Variants in RSKR observed in about 807,000 individuals in gnomAD.
RSKR encodes the protein ribosomal protein S6 kinase related, also known as ribosomal protein S6 kinase-related protein.
A neutral mutation model predicts 56.8 loss-of-function variants in RSKR; 44 were observed. The ratio of observed to expected loss-of-function variants is 0.77; its 90% CI spans 0.61 to 1.00. The LOEUF (loss-of-function observed/expected upper bound fraction) is 1.00, where lower values mean the gene tolerates loss of function less well. RSKR is among the 50% of genes least tolerant of loss of function. The probability of loss-of-function intolerance (pLI) is 0.00; values close to 1 mark genes in which losing one functional copy is unlikely to be tolerated. For missense variants in RSKR, 510 were observed against 506.9 expected (o/e 1.01, Z -0.06); for synonymous variants, 181 against 188.0 (o/e 0.96, Z 0.30).
intron 3 of RSKR, 33 bp downstream of exon 3, chr17:28,613,228 GA>G (rs2070848461): frequency 6.2e-7 from 1 of 1,613,360 alleles, no homozygotes; most frequent in African/African-American, 1.3e-5. Context: ...ATCAAGATTG[GA>G]AACAGAGACT....
In RSKR at chr17:28,611,127, C is replaced by G; in HGVS notation, c.1011+16G>C. The G allele has an allele frequency of 6.6e-7, 1 of 1,516,322 alleles. No homozygotes were observed. Among genetic ancestry groups the G allele is most frequent in the African/African-American group, 1.4e-5 (1 of 72,802 alleles). The allele number at this position is 1,516,322 out of a possible 1,614,324, so 93.9% of individuals were successfully genotyped here. A position where few individuals can be genotyped will look rare whatever the true frequency, so the allele number is the denominator to read the frequency against. On this transcript the variant is annotated intron_variant, in intron 11 of 11. Coordinates refer to ENST00000301037, the MANE Select transcript of RSKR (RefSeq NM_001174103.2). ...ATGGTTTCGTAGCCAAGAAGGAAAG[C>G]AGTGCTCATCCTTACCTCATGGAGC...
rs1387892582 is a variant in RSKR at position 28,610,257 on chromosome 17, T to G, written c.*221A>C. ...AAGGTCACCACCCTGATCTGACATG[T>G]TGAATTGAGAGGTAGGTTGTATGAT... On this transcript the variant is annotated 3_prime_UTR_variant, in exon 12 of 12. Coordinates refer to ENST00000301037, the MANE Select transcript of RSKR (RefSeq NM_001174103.2). 4 of 546,796 alleles carry G rather than the reference T, an allele frequency of 7.3e-6. No individual in the cohort carries two copies. The highest frequency in any genetic ancestry group is 1.3e-5 in the Non-Finnish European group (4 of 305,304). The allele number at this position is 546,796 out of a possible 1,614,324, so 33.9% of individuals were successfully genotyped here.
rs1434700097 is a variant in RSKR, at chr17:28,610,489, T to C, written c.1222A>G (p.Ile408Val). ...CDLESFLLYP[I>V]PA ...TACAGTAGAGAGGCTCAAGCAGGGA[T>C]AGGGTAGAGCAAGAAGGACTCCAGA... Residue 408 changes from isoleucine to valine, a missense_variant, in exon 12 of 12, where the codon ATC (isoleucine) becomes GTC (valine). Ile to Val is a conservative substitution (Grantham distance 29, BLOSUM62 3). Transcript: ENST00000301037. 2 of 1,535,670 alleles carry C rather than the reference T, an allele frequency of 1.3e-6. No individual in the cohort carries two copies. The highest frequency in any genetic ancestry group is 2.7e-5 in the African/African-American group (2 of 73,012).
chr17:28,610,741 G>C (rs1031076538), intron 11 of RSKR, 42 bp from the exon 12 acceptor site: 3 of 1,510,634 alleles, frequency 2.0e-6, no homozygotes, highest in African/African-American at 1.4e-5. Flanking sequence ...ACTAGGACAG[G>C]ACAGGCCTGA....
chr17:28,610,547 C>T lies in RSKR; in HGVS notation c.1164G>A (p.Ala388=), dbSNP rs372541305. Residue 388 remains alanine, a synonymous_variant, in exon 12 of 12, where the codon GCG becomes GCA. Coordinates refer to ENST00000301037, the MANE Select transcript of RSKR (RefSeq NM_001174103.2). ...TETQATQPSS[A]ETMPFDDFDC... ...CAAAGTCGTCAAAGGGCATGGTCTCCGCTGAACTGGGCTGGGTAGCTTGTG... is the reference window on the plus strand; with the variant it reads ...CAAAGTCGTCAAAGGGCATGGTCTCTGCTGAACTGGGCTGGGTAGCTTGTG... 9.7e-4 allele frequency: 1,484 copies of T among 1,535,984 alleles called. 28 individuals carry two copies. The South Asian group carries it at 0.016, about 17-fold the overall frequency.
chr17:28,611,716 T>C (rs550021479), intron 8 of RSKR, 52 bp downstream of exon 8: 1 of 1,613,808 alleles, frequency 6.2e-7, no homozygotes, highest in Admixed American at 1.7e-5. Flanking sequence ...CATGATTTAT[T>C]CCCAAACCAA....
rs1054497718 is a variant in RSKR, at chr17:28,610,729, T to A, written c.1012-30A>T. On this transcript the variant is annotated intron_variant, in intron 11 of 11. Coordinates refer to ENST00000301037, the MANE Select transcript of RSKR (RefSeq NM_001174103.2). ...AGGAAAATAGAGCATGAAGGATGAG[T>A]GACTAGGACAGGACAGGCCTGAACA... 17 of 1,527,076 alleles carry A rather than the reference T, an allele frequency of 1.1e-5. No individual in the cohort carries two copies. In the East Asian group the frequency reaches 3.2e-4, roughly 29 times the overall value. The allele number at this position is 1,527,076 out of a possible 1,614,324, so 94.6% of individuals were successfully genotyped here.
chr17:28,610,453 G>T lies in RSKR; in HGVS notation c.*25C>A. On this transcript the variant is annotated 3_prime_UTR_variant, in exon 12 of 12. Coordinates refer to ENST00000301037, the MANE Select transcript of RSKR (RefSeq NM_001174103.2). The stretch of plus-strand genomic sequence containing the variant: ...GATGGAGATCTTCAGGCTCCCAGCC[G>T]GGCCCCAATTTACAGTAGAGAGGCT... 6.5e-7 allele frequency: 1 copy of T among 1,530,048 alleles called. No individual in the cohort carries two copies. The highest frequency in any genetic ancestry group is 1.2e-5 in the South Asian group (1 of 83,924). The allele number at this position is 1,530,048 out of a possible 1,614,324, so 94.8% of individuals were successfully genotyped here. A position where few individuals can be genotyped will look rare whatever the true frequency, so the allele number is the denominator to read the frequency against.
Position 28,612,768 on chromosome 17 carries a change from G to C in RSKR, c.478-81C>G, listed in dbSNP as rs1203567210. Reference sequence around the variant, plus strand: ...CAGCTGAGAAATCAGGTTTTACCCAGATGTGCAGAGGGGGAACTGCTGCCT... The same window carrying C: ...CAGCTGAGAAATCAGGTTTTACCCACATGTGCAGAGGGGGAACTGCTGCCT... On this transcript the variant is annotated intron_variant, in intron 4 of 11. Coordinates refer to ENST00000301037, the MANE Select transcript of RSKR (RefSeq NM_001174103.2). The C allele has an allele frequency of 7.4e-6, 10 of 1,358,356 alleles. No individual in the cohort carries two copies. In the African/African-American group the frequency reaches 1.3e-4, roughly 18 times the overall value. The allele number at this position is 1,358,356 out of a possible 1,614,324, so 84.1% of individuals were successfully genotyped here. A position where few individuals can be genotyped will look rare whatever the true frequency, so the allele number is the denominator to read the frequency against.
In RSKR at chr17:28,612,676, G is replaced by A; in HGVS notation, c.489C>T (p.Asn163=). 2 of 1,614,204 alleles carry A rather than the reference G, an allele frequency of 1.2e-6. No homozygotes were observed. The highest frequency in any genetic ancestry group is 1.7e-6 in the Non-Finnish European group (2 of 1,180,018). ...KEEVSIQRQI[N]HPFVHSLGDS... Reference sequence around the variant, plus strand: ...CCCCCAAGCTGTGTACAAAGGGATGGTTGATCTGTCGCTAGGAACAAAGAA... The same window carrying A: ...CCCCCAAGCTGTGTACAAAGGGATGATTGATCTGTCGCTAGGAACAAAGAA... Residue 163 remains asparagine, a synonymous_variant, in exon 5 of 12, where the codon AAC becomes AAT. Transcript: ENST00000301037.
chr17:28,613,904 A>G (rs2070866174), intron 1 of RSKR, 183 bp downstream of exon 1: 1 of 987,138 alleles, frequency 1.0e-6, no homozygotes, highest in Non-Finnish European at 1.5e-6. Flanking sequence ...CATTTTCACC[A>G]TGACGCATTA....
chr17:28,611,783 G>T lies in RSKR; in HGVS notation c.706C>A (p.Leu236Ile), dbSNP rs2070818692. 1.2e-6 allele frequency: 2 copies of T among 1,614,180 alleles called. No homozygotes were observed. Among genetic ancestry groups the T allele is most frequent in the South Asian group, 2.2e-5 (2 of 91,088 alleles). The change falls in exon 8 of 12, where the codon CTT (leucine) becomes ATT (isoleucine). Residue 236 changes from leucine (L) to isoleucine (I), a missense_variant. By Grantham distance (5) the Leu-to-Ile change is conservative. Coordinates refer to ENST00000301037, the MANE Select transcript of RSKR (RefSeq NM_001174103.2). ...MHRDVKMENILLDERGHLKLT... is the reference protein window; with the variant it reads ...MHRDVKMENIILDERGHLKLT... ...AAAGACTTACCTCGTTCATCTAGAA[G>T]AATATTCTCCATCTGAAAGATCACA...
chr17:28,612,619 A>G lies in RSKR; in HGVS notation c.546T>C (p.Ile182=), dbSNP rs372427936. 4.3e-6 allele frequency: 7 copies of G among 1,613,958 alleles called. No individual in the cohort carries two copies. The highest frequency in any genetic ancestry group is 1.7e-5 in the Admixed American group (1 of 59,984). ...TGAGGAGAGAGTCCAGTCACTCACT[A>G]ATGAAAAGGTGCCGTTTTCCCTGCC... is the stretch of plus-strand genomic sequence containing the variant. ...DSWQGKRHLF[I]MCSYCSTDLY... is the part of the protein sequence containing the mutation. Residue 182 remains isoleucine, a splice_region_variant and synonymous_variant, in exon 5 of 12, where the codon ATT becomes ATC. Coordinates refer to ENST00000301037, the MANE Select transcript of RSKR (RefSeq NM_001174103.2).
intron 1 of RSKR, 50 bp downstream of exon 1, chr17:28,614,037 C>G (rs1478642973): frequency 6.3e-7 from 1 of 1,595,934 alleles, no homozygotes; most frequent in Non-Finnish European, 8.6e-7. Context: ...GACTCAAGCC[C>G]ATGTCTCCCT....
chr17:28,612,195 T>C, intron 6 of RSKR, 67 bp downstream of exon 6: 2 of 1,589,500 alleles, frequency 1.3e-6, no homozygotes, highest in Non-Finnish European at 8.6e-7. Flanking sequence ...TTAATATTAA[T>C]TTTTTACTCT....
At chr17:28,611,840 C>T (rs1299475635) in intron 7 of RSKR, 45 bp from the exon 8 acceptor site, 21 of 1,613,754 alleles carry the variant, frequency 1.3e-5, no homozygotes, top group Non-Finnish European at 1.6e-5. Flanking sequence ...TTCCTTTCAA[C>T]TCTCTTTCAT....
chr17:28,612,930 G>A, intron 4 of RSKR, 148 bp downstream of exon 4: 1 of 890,400 alleles, frequency 1.1e-6, no homozygotes, highest in Non-Finnish European at 1.8e-6. Context: ...GTTGAGAGCT[G>A]ATACTTTTCC....
At chr17:28,612,587 T>A in intron 5 of RSKR, 31 bp downstream of exon 5, 2 of 1,610,016 alleles carry the variant, frequency 1.2e-6, no homozygotes, top group Non-Finnish European at 1.7e-6. Flanking sequence ...ACAAAGACCC[T>A]GGGGGATGAG....
In RSKR at chr17:28,613,677, G is replaced by A. The variant is rs1271183493; in HGVS notation, c.87C>T (p.Asn29=). 1 of 1,613,920 alleles carries A rather than the reference G, an allele frequency of 6.2e-7. No individual in the cohort carries two copies. The highest frequency in any genetic ancestry group is 1.1e-5 in the South Asian group (1 of 91,082). ...RVAVPHKQGG[N]IRGPWARGWK... ...AGCCTCGGGCCCAGGGACCCCGGAT[G>A]TTGCCACCCTGCTGAGAACCAAGGG... Residue 29 remains asparagine (N), a synonymous_variant, in exon 2 of 12, where the codon AAC becomes AAT. Transcript: ENST00000301037.
Sources: gnomAD v4.1 joint callset for allele counts on GRCh38, gnomAD v4.1.1 for gene constraint, MANE v1.5 for transcripts, NCBI Gene and HGNC (gene_info 2026-07-23, HGNC 2026-07-21) for gene names.